Variants in MAN1C1 observed in about 807,000 individuals in gnomAD.
MAN1C1 encodes the protein mannosidase alpha class 1C member 1.
In MAN1C1, 49 loss-of-function variants were observed where a neutral mutation model predicts 71.5. The ratio of observed to expected loss-of-function variants is 0.69; its 90% CI spans 0.54 to 0.87. The LOEUF is 0.87. Ranked by LOEUF, MAN1C1 falls within the 40% of genes least tolerant of loss-of-function variation. MAN1C1 has a pLI of 0.00. For missense variants in MAN1C1, 743 were observed against 835.0 expected (o/e 0.89, Z 1.36); for synonymous variants, 352 against 343.7 (o/e 1.02, Z -0.27).
Position 25,778,091 on chromosome 1 carries a change from C to T in MAN1C1, c.1258-14C>T. The T allele has an allele frequency of 6.5e-7, 1 of 1,535,050 alleles. No individual in the cohort carries two copies. Among genetic ancestry groups the T allele is most frequent in the Non-Finnish European group, 8.8e-7 (1 of 1,136,402 alleles). On this transcript the variant is annotated splice_polypyrimidine_tract_variant and intron_variant, in intron 8 of 11. Coordinates refer to ENST00000374332, the MANE Select transcript of MAN1C1 (RefSeq NM_020379.4). The surrounding 1 kb of genome is among the most constrained non-coding windows in gnomAD (Gnocchi z 5.5). ...ACGCCCCTTCTCCCTGCCCAATCCCCACCTTGCTCCCAGGCGATAGAGACC... is the reference window on the plus strand; with the variant it reads ...ACGCCCCTTCTCCCTGCCCAATCCCTACCTTGCTCCCAGGCGATAGAGACC...
chr1:25,721,736 T>C (rs930785545), intron 2 of MAN1C1, among the ~76,000 whole-genome samples: 1 of 152,238 alleles, frequency 6.6e-6, no homozygotes, highest in Non-Finnish European at 1.5e-5. Context: ...TCCTTCTTTC[T>C]AATATGGATG....
At chr1:25,618,464 G>T (rs2124744629) in intron 1 of MAN1C1, 127 bp downstream of exon 1, 2 of 902,638 alleles carry the variant, frequency 2.2e-6, no homozygotes, top group Non-Finnish European at 3.3e-6. Context: ...TGGCCCTGCA[G>T]ACTGCACTTT....
At chr1:25,772,073 C>T in intron 8 of MAN1C1, 1 of 343,274 alleles carries the variant, frequency 2.9e-6, no homozygotes, top group East Asian at 6.7e-5. Context: ...TCAGAAACCA[C>T]CACCTGCTTG....
intron 3 of MAN1C1, among the ~76,000 whole-genome samples, chr1:25,749,006 A>G (rs1274550314): frequency 6.6e-6 from 1 of 152,244 alleles, no homozygotes; most frequent in East Asian, 1.9e-4. Context: ...CTTTGCTGCC[A>G]TCATCTCAGC....
chr1:25,717,770 G>A (rs1354301424), intron 2 of MAN1C1, among the ~76,000 whole-genome samples: 3 of 151,838 alleles, frequency 2.0e-5, no homozygotes, highest in Non-Finnish European at 4.4e-5. Context: ...CTCCATGTTG[G>A]TCAGGCTAGT....
At chr1:25,726,592 C>T (rs990864834) in intron 2 of MAN1C1, among the ~76,000 whole-genome samples, 1 of 152,172 alleles carries the variant, frequency 6.6e-6, no homozygotes, top group Admixed American at 6.5e-5. Flanking sequence ...CCTGTGAGGC[C>T]GCTGGTGTGG....
chr1:25,773,398 A>G, intron 8 of MAN1C1, among the ~76,000 whole-genome samples: 1 of 152,232 alleles, frequency 6.6e-6, no homozygotes, highest in Non-Finnish European at 1.5e-5. Context: ...TGCTAGAGCC[A>G]TGGACCCTTT....
intron 1 of MAN1C1, among the ~76,000 whole-genome samples, chr1:25,682,902 G>T (rs960325983): frequency 5.3e-5 from 8 of 152,218 alleles, no homozygotes; most frequent in South Asian, 2.1e-4. Flanking sequence ...GCTGAGCGTG[G>T]TGGCACGTGT....
intron 1 of MAN1C1, among the ~76,000 whole-genome samples, chr1:25,683,711 G>A (rs2046187427): frequency 6.6e-6 from 1 of 152,142 alleles, no homozygotes; most frequent in Non-Finnish European, 1.5e-5. Flanking sequence ...CCAGACACAG[G>A]ACAGGATACC....
chr1:25,618,377 C>T, intron 1 of MAN1C1, 40 bp downstream of exon 1: 2 of 1,561,816 alleles, frequency 1.3e-6, no homozygotes, highest in Non-Finnish European at 1.7e-6. Flanking sequence ...CCAACTGCCC[C>T]CTCTAAGGAG....
chr1:25,688,720 C>T (rs2124183876), intron 2 of MAN1C1, among the ~76,000 whole-genome samples: 1 of 152,338 alleles, frequency 6.6e-6, no homozygotes, highest in South Asian at 2.1e-4. Flanking sequence ...AAATCCAAGG[C>T]ACTTAACCTC....
rs1265652748 is a variant in MAN1C1 at position 25,769,021 on chromosome 1, C to A, written c.1142-2636C>A. 2.0e-5 allele frequency among the ~76,000 whole-genome samples: 3 copies of A among 147,162 alleles called. No individual in the cohort carries two copies. In the East Asian group the frequency reaches 6.2e-4, roughly 30 times the overall value. ...ATACACTACACACTCCCCTCAGGCA[C>A]ACACACTACACACCACCCACACTCC... On this transcript the variant is annotated intron_variant, in intron 7 of 11. Transcript: ENST00000374332. The surrounding 1 kb of genome is among the most constrained non-coding windows in gnomAD (Gnocchi z 4.8).
intron 1 of MAN1C1, among the ~76,000 whole-genome samples, chr1:25,666,934 G>A (rs2045932141): frequency 3.0e-5 from 3 of 100,630 alleles, no homozygotes. Flanking sequence ...GCCTATGGCA[G>A]GGTCTGTTTT....
At chr1:25,684,963 G>A (rs534521738) in intron 1 of MAN1C1, among the ~76,000 whole-genome samples, 1 of 152,356 alleles carries the variant, frequency 6.6e-6, no homozygotes, top group South Asian at 2.1e-4. Flanking sequence ...CAAAAACTCA[G>A]GGTGGGGCCC....
chr1:25,745,615 C>T (rs994563360), intron 2 of MAN1C1, among the ~76,000 whole-genome samples: 3 of 152,208 alleles, frequency 2.0e-5, no homozygotes, highest in Admixed American at 1.3e-4. Flanking sequence ...TGGATGACTG[C>T]ATGGTATCCT....
At chr1:25,678,159 A>G (rs1290090626) in intron 1 of MAN1C1, among the ~76,000 whole-genome samples, 1 of 152,200 alleles carries the variant, frequency 6.6e-6, no homozygotes, top group Non-Finnish European at 1.5e-5. Context: ...TACATAGGCC[A>G]GTGAATTTCA....
At chr1:25,668,740 A>C (rs2045957031) in intron 1 of MAN1C1, among the ~76,000 whole-genome samples, 1 of 151,742 alleles carries the variant, frequency 6.6e-6, no homozygotes, top group Non-Finnish European at 1.5e-5. Flanking sequence ...TTGTATTTTT[A>C]GTAGAGACGG....
chr1:25,771,958 C>A, intron 8 of MAN1C1, 186 bp downstream of exon 8: 1 of 590,786 alleles, frequency 1.7e-6, no homozygotes, highest in Non-Finnish European at 3.0e-6. Context: ...ACCCTGCGAC[C>A]CTCCCACATG....
chr1:25,647,574 C>T (rs1173742172), intron 1 of MAN1C1, among the ~76,000 whole-genome samples: 2 of 152,110 alleles, frequency 1.3e-5, no homozygotes, highest in Admixed American at 6.5e-5. Flanking sequence ...TTGATTCTTA[C>T]CTGGGGGTTA....
Sources: gnomAD v4.1 joint callset for allele counts (sites outside exome capture counted in the v4.1 genomes callset) on GRCh38, gnomAD v4.1.1 for gene constraint, Gnocchi (gnomAD v3.1) non-coding constraint, MANE v1.5 for transcripts, NCBI Gene and HGNC (gene_info 2026-07-23, HGNC 2026-07-21) for gene names.